ATP2B1: variants seen among roughly 807,000 people sequenced by gnomAD.
ATP2B1 encodes ATPase plasma membrane Ca2+ transporting 1.
ATP2B1 carries 14 observed loss-of-function variants against 124.2 expected under a neutral mutation model. The ratio of observed to expected loss-of-function variants is 0.11; its 90% CI spans 0.07 to 0.18. The LOEUF is 0.18. Ranked by LOEUF, ATP2B1 falls within the 10% of genes least tolerant of loss-of-function variation. The pLI, the probability that ATP2B1 is intolerant of heterozygous loss-of-function variation, is 1.00. For synonymous variants in ATP2B1, 449 were observed against 492.4 expected (o/e 0.91, Z 1.17); for missense variants, 763 against 1,466.1 (o/e 0.52, Z 7.83).
intron 8 of ATP2B1, among the ~76,000 whole-genome samples, chr12:89,624,732 T>C (rs1880549773): frequency 2.0e-5 from 3 of 152,208 alleles, no homozygotes; most frequent in Admixed American, 1.3e-4. Context: ...GTGCTTTATA[T>C]GTTCAAGAGG....
intron 18 of ATP2B1, among the ~76,000 whole-genome samples, chr12:89,601,893 A>G (rs1000272619): frequency 2.0e-5 from 3 of 152,242 alleles, no homozygotes; most frequent in Non-Finnish European, 4.4e-5. Context: ...CAATATTAAA[A>G]AAATTCCACA....
chr12:89,676,845 A>G (rs1245617382), intron 1 of ATP2B1, among the ~76,000 whole-genome samples: 3 of 152,212 alleles, frequency 2.0e-5, no homozygotes, highest in African/African-American at 7.2e-5. Context: ...TAAAAGAATA[A>G]TTCCCAAATT....
intron 1 of ATP2B1, among the ~76,000 whole-genome samples, chr12:89,663,917 G>A (rs1336694081): frequency 6.6e-6 from 1 of 152,198 alleles, no homozygotes; most frequent in African/African-American, 2.4e-5. Flanking sequence ...AAAGCAGTCA[G>A]TAGGGAGGGG....
intron 2 of ATP2B1, among the ~76,000 whole-genome samples, chr12:89,648,935 C>A (rs1884873414): frequency 6.6e-6 from 1 of 152,358 alleles, no homozygotes; most frequent in African/African-American, 2.4e-5. Context: ...AGGGTGCAAG[C>A]CGTAAGCCTT....
intron 1 of ATP2B1, among the ~76,000 whole-genome samples, chr12:89,694,885 T>C (rs1055717682): frequency 6.6e-6 from 1 of 151,854 alleles, no homozygotes; most frequent in Non-Finnish European, 1.5e-5. Context: ...GGCGAAACCC[T>C]ATCTCTACAA....
At chr12:89,641,374 G>A (rs886528614) in intron 3 of ATP2B1, among the ~76,000 whole-genome samples, 2 of 152,072 alleles carry the variant, frequency 1.3e-5, no homozygotes, top group Non-Finnish European at 2.9e-5. Context: ...AATGCTTGGG[G>A]CCAAAAATGT....
chr12:89,688,783 T>A (rs1775488364), intron 1 of ATP2B1, among the ~76,000 whole-genome samples: 1 of 152,100 alleles, frequency 6.6e-6, no homozygotes, highest in South Asian at 2.1e-4. Context: ...TCTCATCTGT[T>A]AAAGAAAGGG....
At chr12:89,623,787 G>GT (rs1436035678) in intron 9 of ATP2B1, among the ~76,000 whole-genome samples, 4 of 152,168 alleles carry the variant, frequency 2.6e-5, no homozygotes, top group African/African-American at 9.7e-5. Context: ...TGACTGAAAG[G>GT]TTTTACACAT....
At chr12:89,657,366 G>C (rs1273631763) in intron 1 of ATP2B1, among the ~76,000 whole-genome samples, 1 of 152,134 alleles carries the variant, frequency 6.6e-6, no homozygotes, top group African/African-American at 2.4e-5. Context: ...GCTACATTTA[G>C]TTTTTGAAAT....
intron 3 of ATP2B1, among the ~76,000 whole-genome samples, chr12:89,638,537 A>G (rs1459541989): frequency 2.0e-5 from 3 of 152,228 alleles, no homozygotes; most frequent in African/African-American, 7.2e-5. Context: ...ATACAGAAGC[A>G]GACAGGAGAA....
At chr12:89,619,473 G>A (rs1879577064) in intron 11 of ATP2B1, among the ~76,000 whole-genome samples, 4 of 151,986 alleles carry the variant, frequency 2.6e-5, no homozygotes, top group Admixed American at 1.3e-4. Context: ...TTAGCCAGGC[G>A]TGGTGGCAGG....
intron 1 of ATP2B1, among the ~76,000 whole-genome samples, chr12:89,665,652 T>G (rs1426867105): frequency 6.6e-6 from 1 of 152,214 alleles, no homozygotes; most frequent in Non-Finnish European, 1.5e-5. Flanking sequence ...GTCTCACTGG[T>G]GTTGAAATTT....
intron 9 of ATP2B1, among the ~76,000 whole-genome samples, chr12:89,622,869 A>G (rs1246873618): frequency 2.6e-5 from 4 of 152,202 alleles, no homozygotes; most frequent in South Asian, 4.1e-4. Context: ...TTCAAAAAGC[A>G]TAAGTCAATC....
chr12:89,605,650 T>G (rs1392685378), intron 15 of ATP2B1, among the ~76,000 whole-genome samples: 1 of 152,148 alleles, frequency 6.6e-6, no homozygotes, highest in Non-Finnish European at 1.5e-5. Context: ...AGACAAACCC[T>G]TTCTCAGGAA....
chr12:89,653,563 C>T (rs1259903275), intron 2 of ATP2B1, among the ~76,000 whole-genome samples: 1 of 152,046 alleles, frequency 6.6e-6, no homozygotes, highest in Admixed American at 6.5e-5. Context: ...TCCCAAAGTG[C>T]TGGGATTACA....
chr12:89,609,954 C>G lies in ATP2B1; in HGVS notation c.2425G>C (p.Asp809His), dbSNP rs1212486249. ...ATTCTTACCATTGCAAATCCAACAT[C>G]TGCTTTCTTTAGTGCTGGGCCATCA... is the stretch of plus-strand genomic sequence containing the variant. Reference protein sequence around the residue: ...TNDGPALKKADVGFAMGIAGT... With the variant: ...TNDGPALKKAHVGFAMGIAGT... The change falls in exon 15 of 21, where the codon GAT becomes CAT. Residue 809 changes from aspartate to histidine, a missense_variant. Transcript: ENST00000428670. 1 of 1,613,328 alleles carries G rather than the reference C, an allele frequency of 6.2e-7. No homozygotes were observed. The highest frequency in any genetic ancestry group is 8.5e-7 in the Non-Finnish European group (1 of 1,179,528).
intron 1 of ATP2B1, among the ~76,000 whole-genome samples, chr12:89,703,298 T>C (rs1192139545): frequency 1.3e-5 from 2 of 152,178 alleles, no homozygotes; most frequent in African/African-American, 4.8e-5. Flanking sequence ...TCAGAGTAGA[T>C]TGGTGAACTA....
chr12:89,598,775 T>A, intron 20 of ATP2B1: 1 of 1,612,170 alleles, frequency 6.2e-7, no homozygotes, highest in East Asian at 2.2e-5. Flanking sequence ...GACAGCTTGC[T>A]CAGCAAGAGA....
chr12:89,647,889 TCTCTCA>T (rs1164310671), intron 2 of ATP2B1, among the ~76,000 whole-genome samples: 17 of 152,050 alleles, frequency 1.1e-4, no homozygotes, highest in Non-Finnish European at 1.3e-4. Context: ...AACTCCTCCT[TCTCTCA>T]CTCTCACTCT....
Sources: gnomAD v4.1 joint callset for allele counts (sites outside exome capture counted in the v4.1 genomes callset) on GRCh38, gnomAD v4.1.1 for gene constraint, MANE v1.5 for transcripts, NCBI Gene and HGNC (gene_info 2026-07-23, HGNC 2026-07-21) for gene names.